Variants in BICC1 observed in about 807,000 individuals in gnomAD.
The protein encoded by BICC1 is protein bicaudal C homolog 1.
In BICC1, 43 loss-of-function variants were observed where a neutral mutation model predicts 111.0. The observed-to-expected ratio is 0.39, with a 90% confidence interval of 0.30 to 0.50. BICC1 has a LOEUF of 0.50. Ranked by LOEUF, BICC1 falls within the 20% of genes least tolerant of loss-of-function variation. The pLI, the probability that BICC1 is intolerant of heterozygous loss-of-function variation, is 0.88. For synonymous variants in BICC1, 467 were observed against 434.4 expected (o/e 1.07, Z -0.93); for missense variants, 1,091 against 1,203.2 (o/e 0.91, Z 1.38).
chr10:58,686,117 C>T (rs1477614265), intron 2 of BICC1, among the ~76,000 whole-genome samples: 1 of 152,150 alleles, frequency 6.6e-6, no homozygotes, highest in Non-Finnish European at 1.5e-5. Flanking sequence ...TTCTCCTTCA[C>T]TTATGAAGCT....
chr10:58,722,473 C>T (rs117032841), intron 3 of BICC1, among the ~76,000 whole-genome samples: 6,245 of 152,214 alleles, frequency 0.041, 173 homozygotes, highest in Middle Eastern at 0.078. Context: ...CATATAATCA[C>T]TTTACAGTAT....
chr10:58,614,833 G>A (rs184607835), intron 1 of BICC1, among the ~76,000 whole-genome samples: 5 of 152,238 alleles, frequency 3.3e-5, no homozygotes, highest in African/African-American at 1.2e-4. Flanking sequence ...ATTCTAAGTT[G>A]TGAAGGAATT....
At chr10:58,666,490 A>G (rs993013749) in intron 2 of BICC1, among the ~76,000 whole-genome samples, 3 of 152,222 alleles carry the variant, frequency 2.0e-5, no homozygotes, top group Non-Finnish European at 4.4e-5. Flanking sequence ...TCCTTCAGCC[A>G]GCATTTTAAT....
intron 1 of BICC1, among the ~76,000 whole-genome samples, chr10:58,532,835 G>A (rs1215511861): frequency 6.6e-6 from 1 of 151,724 alleles, no homozygotes; most frequent in African/African-American, 2.4e-5. Context: ...TCAAACAATT[G>A]GCATTGAGAT....
chr10:58,582,323 A>C (rs1409846669), intron 1 of BICC1, among the ~76,000 whole-genome samples: 1 of 152,032 alleles, frequency 6.6e-6, no homozygotes, highest in Non-Finnish European at 1.5e-5. Flanking sequence ...GGTCTTTTTG[A>C]CCTTTGTTAA....
intron 9 of BICC1, among the ~76,000 whole-genome samples, chr10:58,795,752 A>T: frequency 6.6e-6 from 1 of 151,944 alleles, no homozygotes; most frequent in African/African-American, 2.4e-5. Flanking sequence ...ATTATTTAGA[A>T]TTTTTTTTAC....
At chr10:58,686,529 C>T (rs1169084699) in intron 2 of BICC1, among the ~76,000 whole-genome samples, 2 of 152,168 alleles carry the variant, frequency 1.3e-5, no homozygotes, top group Non-Finnish European at 2.9e-5. Context: ...GGTCTTTTCA[C>T]ATAGTCCTGT....
At chr10:58,534,032 A>G (rs779917239) in intron 1 of BICC1, among the ~76,000 whole-genome samples, 7 of 151,914 alleles carry the variant, frequency 4.6e-5, no homozygotes, top group Non-Finnish European at 8.8e-5. Context: ...TCTACAAGAC[A>G]CTTTAGATAT....
chr10:58,743,816 TTAAAAA>T (rs2132615865), intron 3 of BICC1, among the ~76,000 whole-genome samples: 1 of 152,110 alleles, frequency 6.6e-6, no homozygotes, highest in South Asian at 2.1e-4. Context: ...TATACATGTT[TTAAAAA>T]TAAAAATGGT....
At chr10:58,722,507 T>A (rs1393585389) in intron 3 of BICC1, among the ~76,000 whole-genome samples, 1 of 152,218 alleles carries the variant, frequency 6.6e-6, no homozygotes, top group Non-Finnish European at 1.5e-5. Context: ...ATGAATTAAG[T>A]AATAAAATAA....
chr10:58,712,414 T>C lies in BICC1; in HGVS notation c.307+10271T>C, dbSNP rs145440620. On this transcript the variant is annotated intron_variant, in intron 3 of 20. Coordinates refer to ENST00000373886, the MANE Select transcript of BICC1 (RefSeq NM_001080512.3). ...AACCTGCACATGGAACAGAAGCTTATAGCAGCTTTATTTGTAATTATCAAA... is the reference window on the plus strand; with the variant it reads ...AACCTGCACATGGAACAGAAGCTTACAGCAGCTTTATTTGTAATTATCAAA... Among the ~76,000 whole-genome samples the C allele has an allele frequency of 2.4e-3, 369 of 152,324 alleles. 1 individual carries two copies. The highest frequency in any genetic ancestry group is 8.2e-3 in the African/African-American group (343 of 41,584).
chr10:58,827,339 G>A (rs1218859599), intron 20 of BICC1, among the ~76,000 whole-genome samples: 1 of 152,212 alleles, frequency 6.6e-6, no homozygotes, highest in Non-Finnish European at 1.5e-5. Flanking sequence ...CTGAAACAAT[G>A]AATTCCTGCT....
At chr10:58,733,600 G>T (rs183948906) in intron 3 of BICC1, among the ~76,000 whole-genome samples, 3 of 152,298 alleles carry the variant, frequency 2.0e-5, no homozygotes, top group East Asian at 3.9e-4. Context: ...AGTGCCATCT[G>T]CTCAAGCCTG....
At chr10:58,702,803 T>C (rs1480267446) in intron 3 of BICC1, among the ~76,000 whole-genome samples, 1 of 152,224 alleles carries the variant, frequency 6.6e-6, no homozygotes, top group Non-Finnish European at 1.5e-5. Context: ...ACAAACTTTG[T>C]GGAGTATATT....
chr10:58,717,368 A>AAAC, intron 3 of BICC1, among the ~76,000 whole-genome samples: 1 of 150,828 alleles, frequency 6.6e-6, no homozygotes, highest in South Asian at 2.1e-4. Flanking sequence ...AAAAAAAAAA[A>AAAC]AAAACAGCTT....
intron 20 of BICC1, among the ~76,000 whole-genome samples, chr10:58,825,031 T>C (rs1282147762): frequency 6.6e-6 from 1 of 152,216 alleles, no homozygotes; most frequent in East Asian, 1.9e-4. Context: ...AGTACTCTAA[T>C]TTCTTTACCA....
intron 1 of BICC1, among the ~76,000 whole-genome samples, chr10:58,593,328 A>G (rs1204147333): frequency 2.0e-5 from 3 of 151,542 alleles, no homozygotes; most frequent in African/African-American, 7.3e-5. Context: ...AGCAGAATTA[A>G]TGTCCCTGCC....
intron 2 of BICC1, chr10:58,650,409 A>G (rs1838409346): frequency 6.6e-6 from 1 of 152,196 alleles, no homozygotes; most frequent in African/African-American, 2.4e-5. Flanking sequence ...AATACATGAG[A>G]AAGAGGGATT....
At chr10:58,738,472 GCTGTTTTGGTTA>G (rs1254909426) in intron 3 of BICC1, among the ~76,000 whole-genome samples, 16 of 152,182 alleles carry the variant, frequency 1.1e-4, no homozygotes, top group African/African-American at 3.4e-4. Context: ...CCAGTACCAT[GCTGTTTTGGTTA>G]CTGTAGCCTT....
Sources: gnomAD v4.1 joint callset for allele counts (sites outside exome capture counted in the v4.1 genomes callset) on GRCh38, gnomAD v4.1.1 for gene constraint, MANE v1.5 for transcripts, NCBI Gene and HGNC (gene_info 2026-07-23, HGNC 2026-07-21) for gene names.